NUP58: variants seen among roughly 807,000 people sequenced by gnomAD.
NUP58 encodes the protein nucleoporin 58, also known as nucleoporin p58/p45.
NUP58 carries 17 observed loss-of-function variants against 70.1 expected under a neutral mutation model. That is an observed-to-expected ratio of 0.24 (90% CI 0.17 to 0.36). The LOEUF is 0.36. Among genes scored for constraint, NUP58 ranks in the 10% least tolerant of loss-of-function variants. The probability of loss-of-function intolerance (pLI) is 1.00; values close to 1 mark genes in which losing one functional copy is unlikely to be tolerated. For missense variants in NUP58, 644 were observed against 701.5 expected (o/e 0.92, Z 0.93); for synonymous variants, 275 against 257.6 (o/e 1.07, Z -0.65).
At chr13:25,349,326 A>G (rs774856408) in intron 3 of NUP58, among the ~76,000 whole-genome samples, 9 of 152,214 alleles carry the variant, frequency 5.9e-5, no homozygotes, top group Non-Finnish European at 1.0e-4. Context: ...CCTTGGAACC[A>G]TGCTACTAGG....
At position 25,307,919 on chromosome 13, in the gene NUP58, C is replaced by G; in HGVS notation, c.221C>G (p.Thr74Ser). Residue 74 changes from threonine (T) to serine (S), a missense_variant, in exon 2 of 16, where the codon ACT (threonine) becomes AGT (serine). By Grantham distance (58) the Thr-to-Ser change is moderately conservative (BLOSUM62 1). Transcript: ENST00000381736. The part of the protein sequence containing the change: ...GTGLFGSKPA[T>S]GFTLGGTNTG... ...GGGCTCTTTGGATCTAAACCTGCCA[C>G]TGGGTTCACTCTAGGAGGAACAAAT... is the stretch of plus-strand genomic sequence containing the variant. 1.2e-6 allele frequency: 2 copies of G among 1,614,160 alleles called. No homozygotes were observed. Among genetic ancestry groups the G allele is most frequent in the Non-Finnish European group, 1.7e-6 (2 of 1,180,014 alleles).
intron 7 of NUP58, 104 bp downstream of exon 7, chr13:25,319,454 A>C: frequency 9.4e-7 from 1 of 1,068,198 alleles, no homozygotes; most frequent in Non-Finnish European, 1.4e-6. Context: ...TACATTTAGG[A>C]GAAAAAACTT....
At chr13:25,314,124 G>C (rs544985599) in intron 5 of NUP58, among the ~76,000 whole-genome samples, 1 of 152,024 alleles carries the variant, frequency 6.6e-6, no homozygotes, top group South Asian at 2.1e-4. Flanking sequence ...AGAGATGAGG[G>C]GGTTCACCAT....
At chr13:25,327,939 A>C (rs2031459629) in intron 12 of NUP58, among the ~76,000 whole-genome samples, 1 of 152,118 alleles carries the variant, frequency 6.6e-6, no homozygotes, top group Admixed American at 6.5e-5. Flanking sequence ...AGTGGCTTAC[A>C]CCTGTAATCC....
chr13:25,330,201 C>G (rs1440154854), intron 12 of NUP58, among the ~76,000 whole-genome samples: 1 of 152,144 alleles, frequency 6.6e-6, no homozygotes, highest in Non-Finnish European at 1.5e-5. Flanking sequence ...TGAAGTAGAA[C>G]TAAAATTTAT....
chr13:25,338,553 G>C (rs1211745485), intron 14 of NUP58, 83 bp from the exon 15 acceptor site: 3 of 963,768 alleles, frequency 3.1e-6, no homozygotes, highest in Non-Finnish European at 5.0e-6. Flanking sequence ...TTAGACCTCT[G>C]ATGATTTTCG....
intron 12 of NUP58, among the ~76,000 whole-genome samples, chr13:25,327,743 G>A (rs2031452252): frequency 6.6e-6 from 1 of 152,048 alleles, no homozygotes; most frequent in Non-Finnish European, 1.5e-5. Context: ...TTTTTAAGCA[G>A]TGCATTGTGA....
chr13:25,346,950 A>G (rs570214810), downstream of NUP58, among the ~76,000 whole-genome samples: 1 of 152,330 alleles, frequency 6.6e-6, no homozygotes, highest in East Asian at 1.9e-4. Flanking sequence ...GGAGGTTTGT[A>G]TCCCTTATCT....
At chr13:25,314,800 G>A (rs545341083) in intron 5 of NUP58, among the ~76,000 whole-genome samples, 2 of 152,234 alleles carry the variant, frequency 1.3e-5, no homozygotes, top group East Asian at 1.9e-4. Flanking sequence ...ATGATTAACC[G>A]TAGTCTGGTC....
At chr13:25,328,393 C>G (rs900493791) in intron 12 of NUP58, among the ~76,000 whole-genome samples, 1 of 113,174 alleles carries the variant, frequency 8.8e-6, no homozygotes, top group Non-Finnish European at 1.7e-5. Context: ...GACTGACTCT[C>G]GCTTTTTTTT....
intron 6 of NUP58, among the ~76,000 whole-genome samples, chr13:25,317,391 G>A (rs2030981969): frequency 6.6e-6 from 1 of 152,156 alleles, no homozygotes; most frequent in Admixed American, 6.6e-5. Context: ...ATGGAAAATA[G>A]CATTCAGGAA....
chr13:25,304,520 A>ATGTGT (rs1346828407), intron 1 of NUP58, among the ~76,000 whole-genome samples: 1 of 93,272 alleles, frequency 1.1e-5, no homozygotes, highest in African/African-American at 4.6e-5. Context: ...ATATATATGT[A>ATGTGT]TTTTTTTTTT....
At chr13:25,305,137 T>TGTTTGTTTG (rs1593172476) in intron 1 of NUP58, among the ~76,000 whole-genome samples, 13 of 15,746 alleles carry the variant, frequency 8.3e-4, no homozygotes, top group South Asian at 9.3e-3. Flanking sequence ...GGGGTTTTTT[T>TGTTTGTTTG]TTTTTTTTTT....
intron 1 of NUP58, among the ~76,000 whole-genome samples, chr13:25,305,939 G>T (rs774484853): frequency 6.6e-6 from 1 of 152,006 alleles, no homozygotes; most frequent in East Asian, 1.9e-4. Flanking sequence ...TATCCCCCTG[G>T]TAAACGGCAT....
rs918452662 is a variant in NUP58 at position 25,341,940 on chromosome 13, A to G, written c.*1806A>G. On this transcript the variant is annotated 3_prime_UTR_variant, in exon 16 of 16. Transcript: ENST00000381736. The stretch of plus-strand genomic sequence containing the variant: ...TGTGCATGTGCCACACATTTTTTGT[A>G]TAATGTTGGGTTTGATTATAAAAGT... The G allele has an allele frequency of 3.9e-5, 6 of 152,194 alleles. No individual in the cohort carries two copies. The highest frequency in any genetic ancestry group is 1.2e-4 in the African/African-American group (5 of 41,454). The allele number at this position is 152,194 out of a possible 1,614,324, so 9.4% of individuals were successfully genotyped here. A position where few individuals can be genotyped will look rare whatever the true frequency, so the allele number is the denominator to read the frequency against.
At chr13:25,336,036 C>T in intron 13 of NUP58, 3 of 1,163,372 alleles carry the variant, frequency 2.6e-6, no homozygotes, top group Non-Finnish European at 3.2e-6. Context: ...TCTTGCCAAA[C>T]AAACTCAGCC....
intron 13 of NUP58, chr13:25,333,639 T>G (rs1451226744): frequency 2.0e-6 from 2 of 985,286 alleles, no homozygotes; most frequent in South Asian, 9.4e-5. Context: ...CAGTCAAAAT[T>G]TTCGTTATTT....
chr13:25,310,560 A>G lies in NUP58; in HGVS notation c.286+1278A>G, dbSNP rs1256984309. 6.0e-5 allele frequency among the ~76,000 whole-genome samples: 7 copies of G among 117,248 alleles called. No individual in the cohort carries two copies. The East Asian group carries it at 1.8e-3, about 29-fold the overall frequency. The allele number at this position is 117,248 out of a possible 152,430, so 76.9% of individuals were successfully genotyped here. On this transcript the variant is annotated intron_variant, in intron 3 of 15. Coordinates refer to ENST00000381736, the MANE Select transcript of NUP58 (RefSeq NM_014089.4). ...TTTTTTTTGGTAGAGACAAGGTCTC[A>G]GTATGTTGCCTAGGCTGGTCATGGA...
chr13:25,335,354 G>A, intron 13 of NUP58: 1 of 985,336 alleles, frequency 1.0e-6, no homozygotes, highest in Non-Finnish European at 1.2e-6. Context: ...TGAGGGCTGT[G>A]GTGTGCATTA....
Sources: gnomAD v4.1 joint callset for allele counts (sites outside exome capture counted in the v4.1 genomes callset) on GRCh38, gnomAD v4.1.1 for gene constraint, MANE v1.5 for transcripts, NCBI Gene and HGNC (gene_info 2026-07-23, HGNC 2026-07-21) for gene names.